Variants in MAP3K5 observed in about 807,000 individuals in gnomAD.
MAP3K5 encodes the protein mitogen-activated protein kinase kinase kinase 5, also known as ASK-1.
In MAP3K5, 56 loss-of-function variants were observed where a neutral mutation model predicts 158.7. That is an observed-to-expected ratio of 0.35 (90% confidence interval 0.28 to 0.44). The LOEUF (loss-of-function observed/expected upper bound fraction) is 0.44, where lower values mean the gene tolerates loss of function less well. MAP3K5 is among the 20% of genes least tolerant of loss of function. The probability of loss-of-function intolerance (pLI) is 1.00; values close to 1 mark genes in which losing one functional copy is unlikely to be tolerated. For synonymous variants in MAP3K5, 579 were observed against 601.7 expected, an observed-to-expected ratio of 0.96 and a Z score of 0.55; for missense variants, 1,294 against 1,674.8, an observed-to-expected ratio of 0.77 and a Z score of 3.97.
Position 136,561,659 on chromosome 6 carries a change from T to C in MAP3K5, c.3875-14A>G. On this transcript the variant is annotated splice_polypyrimidine_tract_variant and intron_variant, in intron 27 of 29. Transcript: ENST00000359015. ...ATTCAGGAATTTCTAGAACAGAATT[T>C]TGGGAAGATATTCTTAATTTCACCT... is the stretch of plus-strand genomic sequence containing the variant. The C allele has an allele frequency of 1.4e-6, 2 of 1,473,910 alleles. No homozygotes were observed. Among genetic ancestry groups the C allele is most frequent in the Non-Finnish European group, 9.5e-7 (1 of 1,052,284 alleles). 91.3% of individuals were successfully genotyped at this position (1,473,910 alleles called of 1,614,324 possible).
chr6:136,656,724 A>G (rs1043700009), intron 9 of MAP3K5, among the ~76,000 whole-genome samples: 3 of 151,808 alleles, frequency 2.0e-5, no homozygotes, highest in Non-Finnish European at 2.9e-5. Context: ...TGCCGGGTTC[A>G]TGCCATTCTG....
chr6:136,567,486 C>T, intron 26 of MAP3K5, 145 bp downstream of exon 26: 1 of 867,356 alleles, frequency 1.2e-6, no homozygotes, highest in South Asian at 1.9e-5. Context: ...AGAGGCTAAA[C>T]TAAACTTCTC....
chr6:136,668,192 C>A (rs1779310760), intron 8 of MAP3K5, among the ~76,000 whole-genome samples: 1 of 151,998 alleles, frequency 6.6e-6, no homozygotes, highest in Admixed American at 6.6e-5. Flanking sequence ...CCAGCCTGGG[C>A]AACATAGTGT....
intron 1 of MAP3K5, among the ~76,000 whole-genome samples, chr6:136,763,942 A>G (rs1783859151): frequency 6.6e-6 from 1 of 152,182 alleles, no homozygotes; most frequent in Admixed American, 6.5e-5. Context: ...TGCAGAGAGT[A>G]CCCACCAACA....
At chr6:136,749,449 G>A (rs966032743) in intron 1 of MAP3K5, among the ~76,000 whole-genome samples, 1 of 151,166 alleles carries the variant, frequency 6.6e-6, no homozygotes, top group African/African-American at 2.4e-5. Flanking sequence ...CAATGCCTCC[G>A]TGATACTCTG....
At chr6:136,650,872 G>A (rs1292103269) in intron 11 of MAP3K5, 112 bp downstream of exon 11, 1 of 586,678 alleles carries the variant, frequency 1.7e-6, no homozygotes, top group East Asian at 3.0e-5. Context: ...CAGACACACA[G>A]CTGAGCTATT....
At chr6:136,669,950 C>G (rs1035056965) in intron 7 of MAP3K5, among the ~76,000 whole-genome samples, 8 of 151,340 alleles carry the variant, frequency 5.3e-5, no homozygotes, top group African/African-American at 1.9e-4. Flanking sequence ...GAGAACCCCG[C>G]ACATATTTTT....
chr6:136,565,033 G>T (rs1325591142), intron 26 of MAP3K5, among the ~76,000 whole-genome samples: 1 of 152,222 alleles, frequency 6.6e-6, no homozygotes, highest in Non-Finnish European at 1.5e-5. Context: ...TGATTCTAGA[G>T]GCCACCTGAT....
chr6:136,705,829 G>C (rs568596234), intron 2 of MAP3K5, among the ~76,000 whole-genome samples: 8 of 152,216 alleles, frequency 5.3e-5, no homozygotes, highest in African/African-American at 1.9e-4. Flanking sequence ...CACACTCTGG[G>C]AGGGGAAAAA....
chr6:136,743,619 T>C (rs1475121857), intron 1 of MAP3K5, among the ~76,000 whole-genome samples: 2 of 152,242 alleles, frequency 1.3e-5, no homozygotes, highest in African/African-American at 4.8e-5. Context: ...TGCAAGACAG[T>C]CTGGTGGTTT....
chr6:136,659,537 A>G (rs1778913474), intron 8 of MAP3K5, among the ~76,000 whole-genome samples, 159 bp from the exon 9 acceptor site: 1 of 152,262 alleles, frequency 6.6e-6, no homozygotes, highest in Non-Finnish European at 1.5e-5. Flanking sequence ...CACTGTAAAA[A>G]TAAGTCATAA....
intron 1 of MAP3K5, among the ~76,000 whole-genome samples, chr6:136,769,503 G>A (rs1314390370): frequency 1.3e-5 from 2 of 151,590 alleles, no homozygotes; most frequent in African/African-American, 4.9e-5. Context: ...TACTTTTATG[G>A]TCTATAAGTT....
At chr6:136,564,411 G>A (rs767247009) in intron 26 of MAP3K5, among the ~76,000 whole-genome samples, 10 of 152,178 alleles carry the variant, frequency 6.6e-5, no homozygotes, top group African/African-American at 1.9e-4. Flanking sequence ...TGCACAATGA[G>A]GTGGATGAAG....
chr6:136,570,183 A>T (rs1774300870), intron 25 of MAP3K5, among the ~76,000 whole-genome samples: 1 of 152,160 alleles, frequency 6.6e-6, no homozygotes, highest in Admixed American at 6.5e-5. Context: ...CACCATTCGT[A>T]TATGGGCACT....
At chr6:136,688,091 A>G (rs1193569571) in intron 7 of MAP3K5, among the ~76,000 whole-genome samples, 1 of 152,226 alleles carries the variant, frequency 6.6e-6, no homozygotes, top group Admixed American at 6.5e-5. Flanking sequence ...ATGCAGCCAT[A>G]AAAAAGGGTG....
chr6:136,774,505 G>A (rs1461314072), intron 1 of MAP3K5, among the ~76,000 whole-genome samples: 2 of 152,002 alleles, frequency 1.3e-5, no homozygotes, highest in African/African-American at 2.4e-5. Context: ...TATATAATAC[G>A]TTCATAGGCT....
In MAP3K5 at chr6:136,697,295, C is replaced by T. The variant is rs1378454122; in HGVS notation, c.899G>A (p.Arg300Gln). The T allele has an allele frequency of 6.2e-7, 1 of 1,613,822 alleles. No homozygotes were observed. Among genetic ancestry groups the T allele is most frequent in the South Asian group, 1.1e-5 (1 of 91,070 alleles). ...GACTTCGATATTATCTACTCGCTGCCGAATTCTTGCCAACTCAGCTGCCAA... is the reference window on the plus strand; with the variant it reads ...GACTTCGATATTATCTACTCGCTGCTGAATTCTTGCCAACTCAGCTGCCAA... ...KELAAELARI[R>Q]QRVDNIEVLT... The change falls in exon 5 of 30, where the codon CGG becomes CAG. Residue 300 changes from arginine (R) to glutamine (Q), a missense_variant. By Grantham distance (43) the Arg-to-Gln change is conservative. Around this residue, in one of 5 missense-constraint regions of MAP3K5, gnomAD observed 690 missense variants for 870.5 expected, o/e 0.79. Coordinates refer to ENST00000359015, the MANE Select transcript of MAP3K5 (RefSeq NM_005923.4).
At chr6:136,627,048 A>G (rs1279508375) in intron 14 of MAP3K5, among the ~76,000 whole-genome samples, 1 of 152,218 alleles carries the variant, frequency 6.6e-6, no homozygotes, top group Admixed American at 6.5e-5. Context: ...ATATTACAGT[A>G]TATTGTTAAT....
chr6:136,672,989 CA>C (rs538682132), intron 7 of MAP3K5, among the ~76,000 whole-genome samples: 1,725 of 83,918 alleles, frequency 0.021, 30 homozygotes, highest in African/African-American at 0.05. Flanking sequence ...GACTCTATCT[CA>C]AAAAAAAAAA....
Sources: gnomAD v4.1 joint callset for allele counts (sites outside exome capture counted in the v4.1 genomes callset) on GRCh38, gnomAD v4.1.1 for gene constraint, gnomAD v4.1.1 regional missense constraint, MANE v1.5 for transcripts, NCBI Gene and HGNC (gene_info 2026-07-23, HGNC 2026-07-21) for gene names.